The following C2orf76 variants were observed in gnomAD, a reference collection of about 807,000 sequenced individuals.
The protein encoded by C2orf76 is UPF0538 protein C2orf76.
Under a neutral mutation model 16.9 loss-of-function variants are expected in C2orf76, and 23 were observed. That is an observed-to-expected ratio of 1.36 (90% CI 0.98 to 1.93). C2orf76 has a LOEUF of 1.93. C2orf76 is among the 30% of genes most tolerant of loss of function. The pLI, the probability that C2orf76 is intolerant of heterozygous loss-of-function variation, is 0.00. For missense variants in C2orf76, 152 were observed against 152.6 expected (o/e 1.00, Z 0.02); for synonymous variants, 48 against 52.3 (o/e 0.92, Z 0.35).
At chr2:119,339,733 A>G (rs1206218626) in intron 2 of C2orf76, 94 bp downstream of exon 2, 1 of 1,352,698 alleles carries the variant, frequency 7.4e-7, no homozygotes, top group African/African-American at 1.4e-5. Context: ...AATCTTTCAA[A>G]GTACTTTAGG....
the C2orf76 span, among the ~76,000 whole-genome samples, chr2:119,294,604 G>A: frequency 2.6e-5 from 4 of 152,158 alleles, no homozygotes; most frequent in Non-Finnish European, 4.4e-5. Flanking sequence ...GGACATGTCC[G>A]GGAGCAGGAG....
At chr2:119,314,582 T>C (rs979794200) in intron 4 of C2orf76, among the ~76,000 whole-genome samples, 1 of 152,232 alleles carries the variant, frequency 6.6e-6, no homozygotes, top group Non-Finnish European at 1.5e-5. Context: ...TACCAGTTCA[T>C]GTGACAGTGC....
At chr2:119,299,082 AT>A (rs79043476), downstream of C2orf76, among the ~76,000 whole-genome samples, 170 of 145,620 alleles carry the variant, frequency 1.2e-3, 1 homozygote, top group Middle Eastern at 3.6e-3. Context: ...CACCCAGCTA[AT>A]TTTTTTTTTT....
chr2:119,341,154 C>A (rs1680017528), intron 1 of C2orf76, among the ~76,000 whole-genome samples: 1 of 152,004 alleles, frequency 6.6e-6, no homozygotes, highest in Non-Finnish European at 1.5e-5. Context: ...GCAGTAACAA[C>A]ACTTTCTATA....
At position 119,339,825 on chromosome 2, in the gene C2orf76, A is replaced by T. The variant is rs747790087; in HGVS notation, c.133+2T>A. 3 of 1,595,066 alleles carry T rather than the reference A, an allele frequency of 1.9e-6. No individual in the cohort carries two copies. Among genetic ancestry groups the T allele is most frequent in the Non-Finnish European group, 1.7e-6 (2 of 1,164,328 alleles). Reference sequence around the variant, plus strand: ...AAACAAAATGGCTTTCACATCTCATACCTTGCTTTAGAAATACGATAAATT... The same window carrying T: ...AAACAAAATGGCTTTCACATCTCATTCCTTGCTTTAGAAATACGATAAATT... On this transcript the variant is annotated splice_donor_variant, in intron 2 of 5. Transcript: ENST00000334816. LOFTEE classifies it high-confidence loss of function.
chr2:119,360,971 C>A (rs1464493776), intron 1 of C2orf76, among the ~76,000 whole-genome samples: 3 of 152,096 alleles, frequency 2.0e-5, no homozygotes, highest in African/African-American at 7.2e-5. Flanking sequence ...TTGCCAGGGG[C>A]TAAGGAGGAG....
At chr2:119,289,558 C>T in the C2orf76 span, among the ~76,000 whole-genome samples, 3 of 151,488 alleles carry the variant, frequency 2.0e-5, no homozygotes, top group Admixed American at 6.6e-5. Flanking sequence ...TGGTGGCACG[C>T]GCCTATAGTC....
chr2:119,362,782 G>A (rs1370575905), intron 1 of C2orf76, among the ~76,000 whole-genome samples: 1 of 152,100 alleles, frequency 6.6e-6, no homozygotes, highest in Admixed American at 6.5e-5. Flanking sequence ...CATCTCTGCA[G>A]CTCACCTCAG....
chr2:119,352,048 T>C (rs1383595653), intron 1 of C2orf76, among the ~76,000 whole-genome samples: 1 of 152,188 alleles, frequency 6.6e-6, no homozygotes, highest in Non-Finnish European at 1.5e-5. Flanking sequence ...CAAAATGAGC[T>C]ATTAGAAGCT....
At chr2:119,326,126 T>C (rs1002665445) in intron 2 of C2orf76, among the ~76,000 whole-genome samples, 15 of 152,364 alleles carry the variant, frequency 9.8e-5, no homozygotes, top group African/African-American at 3.4e-4. Flanking sequence ...TTTATGCTTA[T>C]TGTGCTGTAT....
At chr2:119,315,048 G>T (rs1679121919) in intron 4 of C2orf76, among the ~76,000 whole-genome samples, 1 of 152,154 alleles carries the variant, frequency 6.6e-6, no homozygotes, top group Non-Finnish European at 1.5e-5. Context: ...TCTTTTTAAA[G>T]ACCTTGCACA....
intron 5 of C2orf76, among the ~76,000 whole-genome samples, chr2:119,310,657 A>G (rs1439579181): frequency 6.6e-6 from 1 of 152,210 alleles, no homozygotes; most frequent in Non-Finnish European, 1.5e-5. Context: ...AGATCGCCTG[A>G]GGTTAGAAAT....
the C2orf76 span, among the ~76,000 whole-genome samples, chr2:119,281,364 G>T: frequency 1.3e-5 from 2 of 152,154 alleles, no homozygotes; most frequent in Non-Finnish European, 2.9e-5. Context: ...TATAACTGAG[G>T]ATATGTGGTA....
chr2:119,283,269 C>A, the C2orf76 span, among the ~76,000 whole-genome samples: 1 of 152,148 alleles, frequency 6.6e-6, no homozygotes. Flanking sequence ...GCCTCCCATT[C>A]TTTGTCATGA....
At chr2:119,314,281 A>T (rs1250742090) in intron 4 of C2orf76, among the ~76,000 whole-genome samples, 1 of 152,022 alleles carries the variant, frequency 6.6e-6, no homozygotes, top group Non-Finnish European at 1.5e-5. Context: ...CCTGCCCTGT[A>T]CCCAGGACCC....
chr2:119,281,437 G>A, the C2orf76 span, among the ~76,000 whole-genome samples: 6 of 152,242 alleles, frequency 3.9e-5, no homozygotes, highest in East Asian at 1.9e-4. Flanking sequence ...GAGCCAGGGT[G>A]GTCGAGGCTG....
chr2:119,303,910 TGGAGATCAATAA>T (rs61667935), intron 5 of C2orf76, among the ~76,000 whole-genome samples: 84,462 of 151,440 alleles, frequency 0.56, 24,275 homozygotes, highest in Non-Finnish European at 0.63. Context: ...ACAGAGAAAC[TGGAGATCAATAA>T]GGAGGAGCTG....
chr2:119,298,685 T>A (rs1678573259), downstream of C2orf76, among the ~76,000 whole-genome samples: 1 of 152,170 alleles, frequency 6.6e-6, no homozygotes, highest in African/African-American at 2.4e-5. Context: ...TCTATAAACA[T>A]GTAATCTATC....
chr2:119,321,189 G>C lies in C2orf76; in HGVS notation c.149C>G (p.Thr50Ser), dbSNP rs762821520. The change falls in exon 3 of 6, where the codon ACC (threonine) becomes AGC (serine). Residue 50 changes from threonine to serine, a missense_variant. By Grantham distance (58) the Thr-to-Ser change is moderately conservative. Transcript: ENST00000334816. ...VFLKQDIPLR[T>S]NLPPPFRNYK... ...ATTTCTGAATGGTGGTGGCAGGTTG[G>C]TCCTTAAAGGGATATCTACAAGAGA... The C allele has an allele frequency of 1.4e-6, 2 of 1,445,156 alleles. No homozygotes were observed. The highest frequency in any genetic ancestry group is 1.9e-6 in the Non-Finnish European group (2 of 1,062,776). The allele number at this position is 1,445,156 out of a possible 1,614,324, so 89.5% of individuals were successfully genotyped here.
Sources: allele counts gnomAD v4.1 joint callset (sites outside exome capture counted in the v4.1 genomes callset), GRCh38; gene constraint gnomAD v4.1.1; transcripts MANE v1.5; gene names NCBI Gene and HGNC (gene_info 2026-07-23, HGNC 2026-07-21).